The following LBR variants were observed in gnomAD, a reference collection of about 807,000 sequenced individuals.
LBR encodes delta(14)-sterol reductase LBR.
Under a neutral mutation model 74.3 loss-of-function variants are expected in LBR, and 28 were observed. The ratio of observed to expected loss-of-function variants is 0.38; its 90% CI spans 0.28 to 0.52. LBR has a LOEUF of 0.52. Ranked by LOEUF, LBR falls within the 20% of genes least tolerant of loss-of-function variation. The pLI is 0.89. For missense variants in LBR, 717 were observed against 760.3 expected, an observed-to-expected ratio of 0.94 and a Z score of 0.67; for synonymous variants, 228 against 269.3, an observed-to-expected ratio of 0.85 and a Z score of 1.50.
intron 13 of LBR, among the ~76,000 whole-genome samples, chr1:225,403,906 CTCCCCCAGT>C (rs1301858297): frequency 7.5e-6 from 1 of 132,822 alleles, no homozygotes; most frequent in Non-Finnish European, 1.6e-5. Flanking sequence ...GATCCCCCTG[CTCCCCCAGT>C]TCCCCCAGCT....
rs2096082504 is a variant in LBR at position 225,401,811 on chromosome 1, T to C, written c.*1492A>G. 1 of 152,222 alleles carries C rather than the reference T, an allele frequency of 6.6e-6. No homozygotes were observed. Among genetic ancestry groups the C allele is most frequent in the East Asian group, 1.9e-4 (1 of 5,198 alleles). The allele number at this position is 152,222 out of a possible 1,614,324, so 9.4% of individuals were successfully genotyped here. On this transcript the variant is annotated 3_prime_UTR_variant, in exon 14 of 14. Coordinates refer to ENST00000272163, the MANE Select transcript of LBR (RefSeq NM_002296.4). ...AACAATGACAATTTCACTAAAAGAATGTTTAAAGACTACCGGATGCTGGAG... is the reference window on the plus strand; with the variant it reads ...AACAATGACAATTTCACTAAAAGAACGTTTAAAGACTACCGGATGCTGGAG...
Position 225,404,414 on chromosome 1 carries a change from G to C in LBR, c.1677C>G (p.Ser559=), listed in dbSNP as rs1285223143. 1 of 1,614,036 alleles carries C rather than the reference G, an allele frequency of 6.2e-7. No homozygotes were observed. The highest frequency in any genetic ancestry group is 1.1e-5 in the South Asian group (1 of 91,070). The change falls in exon 13 of 14, where the codon TCC becomes TCG. Residue 559 remains serine, a synonymous_variant. Coordinates refer to ENST00000272163, the MANE Select transcript of LBR (RefSeq NM_002296.4). ...TTCTGAAATGCTTACCACATGGGAG[G>C]GACCACGCCAAGGCCATGATGAGAT... ...LGDLIMALAW[S]LPCGFNHILP...
chr1:225,404,029 C>T (rs562837458), intron 13 of LBR, among the ~76,000 whole-genome samples: 1 of 151,876 alleles, frequency 6.6e-6, no homozygotes. Flanking sequence ...CAGCTCCCCA[C>T]GAGGCCAGAC....
chr1:225,426,312 A>G (rs1455617656), intron 1 of LBR, among the ~76,000 whole-genome samples: 1 of 152,208 alleles, frequency 6.6e-6, no homozygotes, highest in Admixed American at 6.5e-5. Flanking sequence ...TGGCACACAA[A>G]AGCCCCACAT....
Position 225,402,141 on chromosome 1 carries a change from G to A in LBR, c.*1162C>T, listed in dbSNP as rs1478902359. On this transcript the variant is annotated 3_prime_UTR_variant, in exon 14 of 14. Transcript: ENST00000272163. ...GCACATCTATTAAACTAAAAGAAAC[G>A]ACTTTAACCCCTTCAGTTGTTTTTA... The A allele has an allele frequency of 1.3e-5, 2 of 152,066 alleles. No homozygotes were observed. Among genetic ancestry groups the A allele is most frequent in the African/African-American group, 4.8e-5 (2 of 41,394 alleles). The allele number at this position is 152,066 out of a possible 1,614,324, so 9.4% of individuals were successfully genotyped here. A position where few individuals can be genotyped will look rare whatever the true frequency, so the allele number is the denominator to read the frequency against.
At chr1:225,428,274 G>A (rs1402639485), upstream of LBR, among the ~76,000 whole-genome samples, 8 of 152,074 alleles carry the variant, frequency 5.3e-5, no homozygotes, top group South Asian at 1.0e-3. Context: ...GTGAGCGGGG[G>A]AAACCGAGTC....
Position 225,424,054 on chromosome 1 carries a change from C to T in LBR, c.22G>A (p.Asp8Asn), listed in dbSNP as rs764873714. 25 of 1,614,028 alleles carry T rather than the reference C, an allele frequency of 1.5e-5. No individual in the cohort carries two copies. Among genetic ancestry groups the T allele is most frequent in the Non-Finnish European group, 2.1e-5 (25 of 1,180,004 alleles). ...CATCGACCTCTTACCACTTCACCAT[C>T]GGCAAATTTCCTACTTGGCATTTTC... MPSRKFA[D>N]GEVVRGRWPG... Residue 8 changes from aspartate (D) to asparagine (N), a missense_variant, in exon 2 of 14, where the codon GAT becomes AAT. Coordinates refer to ENST00000272163, the MANE Select transcript of LBR (RefSeq NM_002296.4).
chr1:225,403,049 G>A lies in LBR; in HGVS notation c.*254C>T. The A allele has an allele frequency of 2.1e-6, 1 of 481,634 alleles. No homozygotes were observed. The highest frequency in any genetic ancestry group is 2.4e-5 in the South Asian group (1 of 41,862). 29.8% of individuals were successfully genotyped at this position (481,634 alleles called of 1,614,324 possible). ...GACTGTCTTCTGTTTTCAGATTAAG[G>A]GTTGAAAATTTCCCATTAAAATGCA... is the stretch of plus-strand genomic sequence containing the variant. On this transcript the variant is annotated 3_prime_UTR_variant, in exon 14 of 14. Coordinates refer to ENST00000272163, the MANE Select transcript of LBR (RefSeq NM_002296.4).
chr1:225,425,036 T>C (rs6684787), intron 1 of LBR, among the ~76,000 whole-genome samples: 114,334 of 152,100 alleles, frequency 0.75, 43,371 homozygotes, highest in Middle Eastern at 0.81. Context: ...ATGAGCTGTC[T>C]CCCAAATCAC....
chr1:225,419,555 A>T, intron 4 of LBR, 103 bp from the exon 5 acceptor site: 2 of 987,966 alleles, frequency 2.0e-6, no homozygotes, highest in Non-Finnish European at 3.1e-6. Context: ...CACTAGTAAG[A>T]ATAAATTTGT....
In LBR at chr1:225,404,321, C is replaced by T. The variant is rs991370503; in HGVS notation, c.1687+83G>A. 7 of 1,592,816 alleles carry T rather than the reference C, an allele frequency of 4.4e-6. No individual in the cohort carries two copies. The African/African-American group carries it at 8.1e-5, about 18-fold the overall frequency. On this transcript the variant is annotated intron_variant, in intron 13 of 13. Transcript: ENST00000272163. ...CAAAAAGACTCACACCCACCTTGGC[C>T]ACACTGTCCCACACAAAGGACACAC...
rs2096134191 is a variant in LBR, at chr1:225,424,063, T to C, written c.13A>G (p.Lys5Glu). Residue 5 changes from lysine (K) to glutamate (E), a missense_variant, in exon 2 of 14, where the codon AAA (lysine) becomes GAA (glutamate). By Grantham distance (56) the Lys-to-Glu change is moderately conservative (BLOSUM62 1). Transcript: ENST00000272163. ...CTTACCACTTCACCATCGGCAAATT[T>C]CCTACTTGGCATTTTCTATAATTAA... The part of the protein sequence containing the change: MPSR[K>E]FADGEVVRGR... The C allele has an allele frequency of 6.2e-6, 10 of 1,614,134 alleles. No homozygotes were observed. Among genetic ancestry groups the C allele is most frequent in the Non-Finnish European group, 8.5e-6 (10 of 1,180,022 alleles).
chr1:225,412,759 A>G (rs1486727253), intron 7 of LBR, 114 bp from the exon 8 acceptor site: 6 of 950,256 alleles, frequency 6.3e-6, no homozygotes, highest in Non-Finnish European at 9.6e-6. Flanking sequence ...TAATTTCATT[A>G]TTCAGACTAA....
Position 225,424,077 on chromosome 1 carries a change from T to A in LBR, c.-2A>T. The A allele has an allele frequency of 6.2e-7, 1 of 1,613,966 alleles. No individual in the cohort carries two copies. The highest frequency in any genetic ancestry group is 1.3e-5 in the African/African-American group (1 of 75,052). Reference sequence around the variant, plus strand: ...ATCGGCAAATTTCCTACTTGGCATTTTCTATAATTAACCTGAATAGTTTTA... The same window carrying A: ...ATCGGCAAATTTCCTACTTGGCATTATCTATAATTAACCTGAATAGTTTTA... On this transcript the variant is annotated 5_prime_UTR_variant, in exon 2 of 14. Coordinates refer to ENST00000272163, the MANE Select transcript of LBR (RefSeq NM_002296.4).
intron 2 of LBR, among the ~76,000 whole-genome samples, chr1:225,423,003 T>A (rs1056532574): frequency 6.6e-6 from 1 of 152,196 alleles, no homozygotes; most frequent in African/African-American, 2.4e-5. Flanking sequence ...TCCCATAAAG[T>A]CTAAAATATT....
Position 225,419,729 on chromosome 1 carries a change from G to A in LBR, c.436C>T (p.His146Tyr), listed in dbSNP as rs2096124160. 1 of 1,608,402 alleles carries A rather than the reference G, an allele frequency of 6.2e-7. No individual in the cohort carries two copies. The highest frequency in any genetic ancestry group is 8.5e-7 in the Non-Finnish European group (1 of 1,176,242). ...CACTTTCCCACCTGTGTATTTTTAT[G>A]AGGTGCGTCATTTCTCTCAATATGC... ...PEHIERNDAP[H>Y]KNTQEKFSLS... Residue 146 changes from histidine (H) to tyrosine (Y), a missense_variant, in exon 4 of 14, where the codon CAT (histidine) becomes TAT (tyrosine). By Grantham distance (83) the His-to-Tyr change is moderately conservative. Transcript: ENST00000272163.
At chr1:225,416,266 C>T (rs1174759615) in intron 6 of LBR, among the ~76,000 whole-genome samples, 4 of 151,988 alleles carry the variant, frequency 2.6e-5, no homozygotes, top group Non-Finnish European at 4.4e-5. Flanking sequence ...GAACCATCTC[C>T]TCTCTTCATT....
intron 10 of LBR, among the ~76,000 whole-genome samples, chr1:225,409,332 C>T (rs1380902251): frequency 6.6e-6 from 1 of 152,164 alleles, no homozygotes; most frequent in Admixed American, 6.5e-5. Flanking sequence ...AGGAGATCAT[C>T]GAAACACCAA....
upstream of LBR, among the ~76,000 whole-genome samples, chr1:225,428,318 C>T (rs1420091408): frequency 6.6e-6 from 1 of 152,186 alleles, no homozygotes; most frequent in Non-Finnish European, 1.5e-5. Flanking sequence ...CGTTTGCCAC[C>T]GCCTTATCTC....
Sources: allele counts gnomAD v4.1 joint callset (sites outside exome capture counted in the v4.1 genomes callset), GRCh38; gene constraint gnomAD v4.1.1; transcripts MANE v1.5; gene names NCBI Gene and HGNC (gene_info 2026-07-23, HGNC 2026-07-21).